Variants in PPP1R1C observed in about 807,000 individuals in gnomAD.
The protein encoded by PPP1R1C is protein phosphatase 1 regulatory inhibitor subunit 1C, also known as protein phosphatase 1 regulatory subunit 1C.
PPP1R1C carries 15 observed loss-of-function variants against 17.4 expected under a neutral mutation model. The ratio of observed to expected loss-of-function variants is 0.86; its 90% CI spans 0.58 to 1.33. The LOEUF is 1.33. Among genes scored for constraint, PPP1R1C ranks in the 40% most tolerant of loss-of-function variants. The probability of loss-of-function intolerance (pLI) is 0.00; values close to 1 mark genes in which losing one functional copy is unlikely to be tolerated. For missense variants in PPP1R1C, 143 were observed against 130.0 expected, an observed-to-expected ratio of 1.10 and a Z score of -0.48; for synonymous variants, 35 against 43.1, an observed-to-expected ratio of 0.81 and a Z score of 0.73.
intron 2 of PPP1R1C, among the ~76,000 whole-genome samples, chr2:182,014,975 C>T (rs552421974): frequency 1.4e-4 from 21 of 152,058 alleles, no homozygotes; most frequent in South Asian, 6.2e-4. Context: ...AGGGCGGGTG[C>T]GGAAATGCTG....
intron 2 of PPP1R1C, among the ~76,000 whole-genome samples, chr2:182,038,159 T>C (rs2125177187): frequency 6.6e-6 from 1 of 152,208 alleles, no homozygotes. Context: ...CACCTCAGTC[T>C]CCCAAGTAGC....
intron 2 of PPP1R1C, among the ~76,000 whole-genome samples, chr2:182,003,620 C>T (rs887374443): frequency 6.6e-6 from 1 of 151,882 alleles, no homozygotes; most frequent in African/African-American, 2.4e-5. Context: ...CAAAAGAGGA[C>T]ATAAATCAGT....
intron 5 of PPP1R1C, among the ~76,000 whole-genome samples, chr2:182,126,590 AC>A (rs1308170575): frequency 1.3e-5 from 2 of 152,030 alleles, no homozygotes; most frequent in Admixed American, 6.6e-5. Flanking sequence ...TGAGATGCAA[AC>A]ATCTCACATA....
intron 4 of PPP1R1C, among the ~76,000 whole-genome samples, chr2:182,108,375 G>A (rs1475960914): frequency 6.6e-6 from 1 of 151,740 alleles, no homozygotes; most frequent in Admixed American, 6.6e-5. Context: ...CTTTTTCTGT[G>A]CCATCCTGTT....
chr2:182,036,996 G>T (rs1050640605), intron 2 of PPP1R1C, among the ~76,000 whole-genome samples: 1 of 152,184 alleles, frequency 6.6e-6, no homozygotes, highest in African/African-American at 2.4e-5. Context: ...TTCAAAGAGA[G>T]AGTGGATTTG....
chr2:181,956,854 A>G (rs893050473), intron 1 of PPP1R1C, among the ~76,000 whole-genome samples: 7 of 152,236 alleles, frequency 4.6e-5, no homozygotes, highest in Non-Finnish European at 1.0e-4. Context: ...AAGTAAATTG[A>G]AATTGTGAAG....
rs567137282 is a variant in PPP1R1C, at chr2:182,114,331, A to G, written c.242-2876A>G. 2.6e-5 allele frequency among the ~76,000 whole-genome samples: 4 copies of G among 152,298 alleles called. No homozygotes were observed. In the East Asian group the frequency reaches 7.7e-4, roughly 29 times the overall value. ...GGACGAAGCTCTGAGAATTTCAACA[A>G]CATCCCCAGACCAATTCATTTTCAT... is the stretch of plus-strand genomic sequence containing the variant. On this transcript the variant is annotated intron_variant, in intron 4 of 4. Transcript: ENST00000682840.
chr2:182,102,427 C>T (rs893019368), intron 4 of PPP1R1C, among the ~76,000 whole-genome samples: 1 of 152,100 alleles, frequency 6.6e-6, no homozygotes, highest in Non-Finnish European at 1.5e-5. Flanking sequence ...TCTCATTTTC[C>T]CTAATCATGT....
At chr2:182,057,061 T>C (rs151123862) in intron 2 of PPP1R1C, among the ~76,000 whole-genome samples, 4 of 152,244 alleles carry the variant, frequency 2.6e-5, no homozygotes, top group Admixed American at 2.6e-4. Context: ...ATTGCACTAC[T>C]ATTGTAATTT....
intron 4 of PPP1R1C, among the ~76,000 whole-genome samples, chr2:182,066,182 T>C (rs1239347779): frequency 6.6e-6 from 1 of 152,178 alleles, no homozygotes; most frequent in East Asian, 1.9e-4. Context: ...CCAAGTATTT[T>C]ACAGGTACAG....
intron 3 of PPP1R1C, among the ~76,000 whole-genome samples, chr2:182,061,908 C>T (rs1687861337): frequency 6.6e-6 from 1 of 152,114 alleles, no homozygotes. Context: ...GTCTCCAAAG[C>T]CTGAGTAAAC....
chr2:181,984,059 G>A (rs551888100), upstream of PPP1R1C, among the ~76,000 whole-genome samples: 12 of 152,234 alleles, frequency 7.9e-5, no homozygotes, highest in East Asian at 2.1e-3. Context: ...TATTCTAAGT[G>A]GAATCAAATT....
chr2:182,015,703 A>T (rs1430384453), intron 2 of PPP1R1C, among the ~76,000 whole-genome samples: 1 of 152,020 alleles, frequency 6.6e-6, no homozygotes, highest in Admixed American at 6.6e-5. Flanking sequence ...TAGAAATGTC[A>T]TCCAGGAGCT....
intron 1 of PPP1R1C, among the ~76,000 whole-genome samples, chr2:181,973,308 G>A (rs1197757871): frequency 6.6e-6 from 1 of 152,102 alleles, no homozygotes. Flanking sequence ...GTTATTTGTA[G>A]ATATGAATAA....
chr2:181,971,014 G>A (rs1364541705), intron 1 of PPP1R1C, among the ~76,000 whole-genome samples: 3 of 151,814 alleles, frequency 2.0e-5, no homozygotes, highest in African/African-American at 7.3e-5. Context: ...TGCTATCCAG[G>A]AGCCAAGGCC....
At chr2:181,995,091 A>C (rs1685576513) in intron 2 of PPP1R1C, among the ~76,000 whole-genome samples, 1 of 152,222 alleles carries the variant, frequency 6.6e-6, no homozygotes, top group Admixed American at 6.5e-5. Flanking sequence ...AATGCTATCC[A>C]CATGGAGAAA....
At chr2:182,124,347 T>TG (rs1689821166) in intron 5 of PPP1R1C, among the ~76,000 whole-genome samples, 1 of 130,096 alleles carries the variant, frequency 7.7e-6, no homozygotes, top group African/African-American at 3.1e-5. Context: ...TTGTTTTTTT[T>TG]TTTTTGCTTA....
chr2:181,960,771 A>T (rs1483850687), intron 1 of PPP1R1C, among the ~76,000 whole-genome samples: 1 of 152,178 alleles, frequency 6.6e-6, no homozygotes, highest in Non-Finnish European at 1.5e-5. Flanking sequence ...TCTGGGAATC[A>T]CTTTCTTGTG....
intron 4 of PPP1R1C, among the ~76,000 whole-genome samples, chr2:182,116,819 T>G (rs904101053): frequency 2.6e-5 from 4 of 152,196 alleles, no homozygotes; most frequent in Admixed American, 6.6e-5. Flanking sequence ...CACACCCTTT[T>G]GTTCCTAGGG....
Sources: gnomAD v4.1 joint callset for allele counts (sites outside exome capture counted in the v4.1 genomes callset) on GRCh38, gnomAD v4.1.1 for gene constraint, MANE v1.5 for transcripts, NCBI Gene and HGNC (gene_info 2026-07-23, HGNC 2026-07-21) for gene names.